The following PIGU variants were observed in gnomAD, a reference collection of about 807,000 sequenced individuals.
The protein encoded by PIGU is phosphatidylinositol glycan anchor biosynthesis class U.
PIGU carries 24 observed loss-of-function variants against 49.9 expected under a neutral mutation model. The ratio of observed to expected loss-of-function variants is 0.48; its 90% CI spans 0.35 to 0.68. The LOEUF (loss-of-function observed/expected upper bound fraction) is 0.68. Among genes scored for constraint, PIGU ranks in the 30% least tolerant of loss-of-function variants. PIGU has a pLI of 0.01. For missense variants in PIGU, 490 were observed against 532.6 expected (o/e 0.92, Z 0.79); for synonymous variants, 220 against 205.7 (o/e 1.07, Z -0.59).
At chr20:34,651,584 T>C (rs894387163) in intron 2 of PIGU, among the ~76,000 whole-genome samples, 3 of 152,084 alleles carry the variant, frequency 2.0e-5, no homozygotes, top group Non-Finnish European at 4.4e-5. Context: ...GGCAGGTAGG[T>C]TGGTCTGCTA....
intron 5 of PIGU, among the ~76,000 whole-genome samples, chr20:34,635,056 C>T (rs546785539): frequency 6.6e-6 from 1 of 152,252 alleles, no homozygotes; most frequent in African/African-American, 2.4e-5. Flanking sequence ...AATGGTAAAG[C>T]GACTTGCCCA....
intron 9 of PIGU, among the ~76,000 whole-genome samples, chr20:34,584,314 CTT>C (rs984021779): frequency 6.6e-6 from 1 of 152,108 alleles, no homozygotes; most frequent in Non-Finnish European, 1.5e-5. Context: ...TATCAGCTCT[CTT>C]AGACTGCAGA....
At chr20:34,625,955 A>AT (rs1188431891) in intron 6 of PIGU, among the ~76,000 whole-genome samples, 13 of 122,230 alleles carry the variant, frequency 1.1e-4, no homozygotes, top group South Asian at 2.3e-4. Context: ...ATACATATAT[A>AT]TAATATATAT....
intron 1 of PIGU, among the ~76,000 whole-genome samples, chr20:34,674,027 T>G (rs1214434840): frequency 1.3e-5 from 2 of 151,752 alleles, no homozygotes; most frequent in African/African-American, 4.8e-5. Context: ...CACTCCAGCC[T>G]GGGCAACAGA....
chr20:34,646,090 TTTC>T (rs1402619166), intron 2 of PIGU, among the ~76,000 whole-genome samples: 2 of 152,290 alleles, frequency 1.3e-5, no homozygotes, highest in African/African-American at 4.8e-5. Context: ...CTTTATTTAT[TTTC>T]TTGAGACTAG....
At chr20:34,611,648 GAAAAAAAAAAAAAAAAAGAC>G (rs1984817420) in intron 7 of PIGU, among the ~76,000 whole-genome samples, 1 of 65,010 alleles carries the variant, frequency 1.5e-5, no homozygotes, top group South Asian at 6.4e-4. Context: ...TCAAGTCTCA[GAAAAAAAAAAAAAAAAAGAC>G]AAAAAAAAAA....
intron 2 of PIGU, among the ~76,000 whole-genome samples, chr20:34,649,351 A>G (rs1334242645): frequency 6.6e-6 from 1 of 150,898 alleles, no homozygotes; most frequent in African/African-American, 2.4e-5. Context: ...CCACTGATGT[A>G]TAATTTGGGC....
At chr20:34,603,552 A>G (rs1984507504) in intron 7 of PIGU, among the ~76,000 whole-genome samples, 1 of 152,060 alleles carries the variant, frequency 6.6e-6, no homozygotes, top group African/African-American at 2.4e-5. Flanking sequence ...ATGAGTTTTA[A>G]TCTATTGCAA....
chr20:34,622,844 T>C (rs1422314624), intron 6 of PIGU, among the ~76,000 whole-genome samples: 1 of 152,212 alleles, frequency 6.6e-6, no homozygotes, highest in Non-Finnish European at 1.5e-5. Context: ...CTAGGGATAT[T>C]AGAGTAAATC....
At chr20:34,659,092 C>G (rs1381028378) in intron 1 of PIGU, among the ~76,000 whole-genome samples, 19 of 138,314 alleles carry the variant, frequency 1.4e-4, no homozygotes, top group East Asian at 4.6e-4. Flanking sequence ...GTCAGCCCCC[C>G]ACCCGGCCAG....
chr20:34,628,750 T>C (rs986730477), intron 6 of PIGU, among the ~76,000 whole-genome samples: 4 of 152,052 alleles, frequency 2.6e-5, no homozygotes, highest in Non-Finnish European at 1.5e-5. Flanking sequence ...ACTTGAGAAG[T>C]TGAGGCACAA....
At chr20:34,566,131 C>T (rs999761065) in intron 11 of PIGU, among the ~76,000 whole-genome samples, 2 of 152,180 alleles carry the variant, frequency 1.3e-5, no homozygotes, top group Non-Finnish European at 2.9e-5. Flanking sequence ...CTCAGAAGTT[C>T]CCTGGCTCCC....
intron 7 of PIGU, 54 bp from the exon 8 acceptor site, chr20:34,588,661 CTATT>C: frequency 6.5e-7 from 1 of 1,530,404 alleles, no homozygotes; most frequent in Non-Finnish European, 8.9e-7. Context: ...CAGAGGGCAG[CTATT>C]AGCTTACACT....
chr20:34,658,861 G>A (rs1308018440), intron 1 of PIGU, among the ~76,000 whole-genome samples: 3 of 151,718 alleles, frequency 2.0e-5, no homozygotes, highest in African/African-American at 4.8e-5. Context: ...GGGAAGTGAG[G>A]AGCATCTCCG....
At chr20:34,624,831 C>T (rs1370965746) in intron 6 of PIGU, among the ~76,000 whole-genome samples, 3 of 152,136 alleles carry the variant, frequency 2.0e-5, no homozygotes, top group East Asian at 3.9e-4. Flanking sequence ...TGGCCCGAGG[C>T]TTGTCCTGGC....
At chr20:34,633,569 A>T (rs981688308) in intron 6 of PIGU, among the ~76,000 whole-genome samples, 12 of 151,638 alleles carry the variant, frequency 7.9e-5, no homozygotes, top group Non-Finnish European at 1.3e-4. Flanking sequence ...CAAAGAGCTA[A>T]ATTTTTTTTT....
At chr20:34,601,545 A>G (rs931051627) in intron 7 of PIGU, among the ~76,000 whole-genome samples, 9 of 152,176 alleles carry the variant, frequency 5.9e-5, no homozygotes, top group African/African-American at 1.7e-4. Flanking sequence ...GTCATGTCCA[A>G]CGAAATCAGG....
intron 1 of PIGU, among the ~76,000 whole-genome samples, chr20:34,673,923 T>TG (rs1438267914): frequency 6.6e-6 from 1 of 151,778 alleles, no homozygotes; most frequent in Non-Finnish European, 1.5e-5. Flanking sequence ...CATGGTGGCA[T>TG]GTGCCTGTAG....
intron 1 of PIGU, among the ~76,000 whole-genome samples, chr20:34,674,838 T>C (rs1311070779): frequency 6.6e-6 from 1 of 151,286 alleles, no homozygotes; most frequent in African/African-American, 2.4e-5. Flanking sequence ...TACCAACTAC[T>C]TGGGAGGCTG....
Sources: allele counts gnomAD v4.1 joint callset (sites outside exome capture counted in the v4.1 genomes callset), GRCh38; gene constraint gnomAD v4.1.1; transcripts MANE v1.5; gene names NCBI Gene and HGNC (gene_info 2026-07-23, HGNC 2026-07-21).